The following MICU1 variants were observed in gnomAD, a reference collection of about 807,000 sequenced individuals.
MICU1 encodes calcium uptake protein 1, mitochondrial.
Under a neutral mutation model 56.8 loss-of-function variants are expected in MICU1, and 45 were observed. The ratio of observed to expected loss-of-function variants is 0.79; its 90% CI spans 0.62 to 1.02. The LOEUF (loss-of-function observed/expected upper bound fraction) is 1.02. MICU1 is among the 50% of genes least tolerant of loss of function. The pLI is 0.00. For synonymous variants in MICU1, 186 were observed against 195.1 expected, an observed-to-expected ratio of 0.95 and a Z score of 0.39; for missense variants, 504 against 587.1, an observed-to-expected ratio of 0.86 and a Z score of 1.46.
rs1368602098 is a variant in MICU1 at position 72,407,914 on chromosome 10, T to C, written c.1180+15A>G. On this transcript the variant is annotated intron_variant, in intron 10 of 11. Transcript: ENST00000361114. ...TGTTCATACCTTCAAAAAAACACTT[T>C]TTGAGTTTCATTACCTTTATCAAGA... 6.3e-7 allele frequency: 1 copy of C among 1,588,728 alleles called. No homozygotes were observed. Among genetic ancestry groups the C allele is most frequent in the Non-Finnish European group, 8.6e-7 (1 of 1,158,574 alleles).
chr10:72,419,584 G>C (rs1450893306), intron 9 of MICU1, among the ~76,000 whole-genome samples: 1 of 152,208 alleles, frequency 6.6e-6, no homozygotes, highest in East Asian at 1.9e-4. Flanking sequence ...CACCAAGTTA[G>C]GGCAATGCTA....
Position 72,368,788 on chromosome 10 carries a change from G to GT in MICU1, c.1271-434dup, listed in dbSNP as rs1862231787. Among the ~76,000 whole-genome samples, 5 of 152,298 alleles carry GT rather than the reference G, an allele frequency of 3.3e-5. No individual in the cohort carries two copies. In the South Asian group the frequency reaches 1.0e-3, roughly 32 times the overall value. ...TACAGATAGTAAAGGCTTCCTGGAA[G>GT]TGACTCCTGAGTAGAATCTCACAGG... On this transcript the variant is annotated intron_variant, in intron 11 of 11. Coordinates refer to ENST00000361114, the MANE Select transcript of MICU1 (RefSeq NM_001195518.2).
rs557867990 is a variant in MICU1 at position 72,539,509 on chromosome 10, A to G, written c.494-5720T>C. ...GAATAATGGGTCAATGAAGAAATTA[A>G]AAAGAAAATTTTAAACATTTATTGA... On this transcript the variant is annotated intron_variant, in intron 4 of 11. Coordinates refer to ENST00000361114, the MANE Select transcript of MICU1 (RefSeq NM_001195518.2). 1.1e-4 allele frequency among the ~76,000 whole-genome samples: 17 copies of G among 152,322 alleles called. No individual in the cohort carries two copies. In the South Asian group the frequency reaches 3.5e-3, roughly 32 times the overall value.
chr10:72,375,914 T>C, intron 10 of MICU1, 42 bp from the exon 11 acceptor site: 1 of 1,558,640 alleles, frequency 6.4e-7, no homozygotes, highest in East Asian at 2.3e-5. Context: ...AGAGGGATTT[T>C]CATTTTGCTT....
At chr10:72,411,864 A>G (rs1041503113) in intron 9 of MICU1, among the ~76,000 whole-genome samples, 12 of 152,344 alleles carry the variant, frequency 7.9e-5, no homozygotes, top group African/African-American at 2.6e-4. Flanking sequence ...ACAGAGAGAG[A>G]ACAATCTAAA....
chr10:72,375,255 A>G (rs1862479992), intron 11 of MICU1, among the ~76,000 whole-genome samples: 1 of 152,226 alleles, frequency 6.6e-6, no homozygotes, highest in South Asian at 2.1e-4. Flanking sequence ...TTATTAGTAT[A>G]TCAGCTACCA....
chr10:72,528,236 A>G lies in MICU1; in HGVS notation c.537+5510T>C, dbSNP rs140693420. ...GCCCAAAGTAACATGTGACTTTGAA[A>G]TATCTGTGAGGAACTTCTGGCTTCA... On this transcript the variant is annotated intron_variant, in intron 5 of 11. Coordinates refer to ENST00000361114, the MANE Select transcript of MICU1 (RefSeq NM_001195518.2). Among the ~76,000 whole-genome samples the G allele has an allele frequency of 1.2e-3, 186 of 152,338 alleles. 1 individual carries two copies. Among genetic ancestry groups the G allele is most frequent in the African/African-American group, 4.0e-3 (167 of 41,576 alleles).
intron 1 of MICU1, among the ~76,000 whole-genome samples, chr10:72,625,406 C>T (rs1213183973): frequency 6.6e-6 from 1 of 152,144 alleles, no homozygotes; most frequent in Non-Finnish European, 1.5e-5. Flanking sequence ...TCAATAACAT[C>T]TAGCTCTTTC....
chr10:72,390,539 G>A (rs992285035), intron 10 of MICU1, among the ~76,000 whole-genome samples: 8 of 151,970 alleles, frequency 5.3e-5, no homozygotes, highest in African/African-American at 1.9e-4. Flanking sequence ...GCAGTATACA[G>A]TGTTCTTCAC....
intron 8 of MICU1, among the ~76,000 whole-genome samples, chr10:72,469,875 A>C (rs1420279705): frequency 6.6e-6 from 1 of 152,082 alleles, no homozygotes; most frequent in African/African-American, 2.4e-5. Flanking sequence ...GCCTCTTCAC[A>C]TGATTATCTC....
At chr10:72,500,274 ATATATATATATATATATATATATATATAT>A (rs1866989532) in intron 6 of MICU1, among the ~76,000 whole-genome samples, 1 of 9,502 alleles carries the variant, frequency 1.1e-4, no homozygotes, top group Admixed American at 1.2e-3. Context: ...ATATATATAT[ATATATATATATATATATATATATATATAT>A]TTTTTTTTTT....
intron 5 of MICU1, among the ~76,000 whole-genome samples, chr10:72,513,207 C>A (rs889926751): frequency 6.6e-6 from 1 of 152,182 alleles, no homozygotes; most frequent in Admixed American, 6.5e-5. Flanking sequence ...CACACCCTCA[C>A]CAATACTTCT....
At chr10:72,497,220 C>T (rs376003732) in intron 6 of MICU1, among the ~76,000 whole-genome samples, 3 of 151,552 alleles carry the variant, frequency 2.0e-5, no homozygotes, top group South Asian at 2.1e-4. Context: ...CCACTGCATC[C>T]GGCTAATTTT....
At chr10:72,590,794 CAG>C (rs1311458027) in intron 1 of MICU1, among the ~76,000 whole-genome samples, 1 of 149,652 alleles carries the variant, frequency 6.7e-6, no homozygotes, top group African/African-American at 2.5e-5. Flanking sequence ...GCCTGGGAGA[CAG>C]AGTGAGACAC....
At chr10:72,574,292 G>C (rs527830028) in intron 1 of MICU1, among the ~76,000 whole-genome samples, 1 of 152,300 alleles carries the variant, frequency 6.6e-6, no homozygotes, top group South Asian at 2.1e-4. Context: ...TACTTTGGGA[G>C]GCTGAGGTAG....
chr10:72,577,481 C>A (rs1840779220), intron 1 of MICU1, among the ~76,000 whole-genome samples: 1 of 150,948 alleles, frequency 6.6e-6, no homozygotes, highest in Admixed American at 6.6e-5. Context: ...TGCACTCCAG[C>A]CTGGGTGACA....
chr10:72,601,581 T>C (rs1448442178), intron 1 of MICU1, among the ~76,000 whole-genome samples: 1 of 151,924 alleles, frequency 6.6e-6, no homozygotes, highest in Non-Finnish European at 1.5e-5. Flanking sequence ...GGTTCATGGC[T>C]GAGGCCCCTA....
chr10:72,597,174 C>T (rs1304885926), intron 1 of MICU1, among the ~76,000 whole-genome samples: 1 of 152,086 alleles, frequency 6.6e-6, no homozygotes, highest in Non-Finnish European at 1.5e-5. Flanking sequence ...ATCATTTATC[C>T]AGATTCTATC....
At chr10:72,375,147 G>T (rs1862475858) in intron 11 of MICU1, among the ~76,000 whole-genome samples, 1 of 152,058 alleles carries the variant, frequency 6.6e-6, no homozygotes, top group African/African-American at 2.4e-5. Flanking sequence ...GTAAAAAGTG[G>T]TCAATAACAA....
Sources: gnomAD v4.1 joint callset for allele counts (sites outside exome capture counted in the v4.1 genomes callset) on GRCh38, gnomAD v4.1.1 for gene constraint, MANE v1.5 for transcripts, NCBI Gene and HGNC (gene_info 2026-07-23, HGNC 2026-07-21) for gene names.